The following ZNF536 variants were observed in gnomAD, a reference collection of about 807,000 sequenced individuals.
ZNF536 encodes the protein zinc finger protein 536.
In ZNF536, 13 loss-of-function variants were observed where a neutral mutation model predicts 84.5. That is an observed-to-expected ratio of 0.15 (90% CI 0.10 to 0.24). The LOEUF is 0.24. Ranked by LOEUF, ZNF536 falls within the 10% of genes least tolerant of loss-of-function variation. The probability of loss-of-function intolerance (pLI) is 1.00; values close to 1 mark genes in which losing one functional copy is unlikely to be tolerated. For missense variants in ZNF536, 1,536 were observed against 1,747.5 expected (o/e 0.88, Z 2.16); for synonymous variants, 811 against 742.5 (o/e 1.09, Z -1.50).
intron 1 of ZNF536, among the ~76,000 whole-genome samples, chr19:30,281,904 T>G (rs1458284026): frequency 1.3e-5 from 2 of 152,060 alleles, no homozygotes; most frequent in African/African-American, 4.8e-5. Flanking sequence ...GGGGTCCCTG[T>G]GGGGGACAGG....
chr19:30,243,043 A>T (rs559250632), intron 1 of ZNF536, among the ~76,000 whole-genome samples: 3 of 152,220 alleles, frequency 2.0e-5, no homozygotes, highest in Non-Finnish European at 4.4e-5. Flanking sequence ...ACTCAATAGA[A>T]AAATTATGGA....
chr19:30,247,546 G>A (rs1314819742), intron 1 of ZNF536, among the ~76,000 whole-genome samples: 2 of 152,186 alleles, frequency 1.3e-5, no homozygotes, highest in South Asian at 2.1e-4. Context: ...CCACAGCTGG[G>A]CGTGGTGGAT....
intron 1 of ZNF536, among the ~76,000 whole-genome samples, chr19:30,659,983 TTGTA>T (rs749295392): frequency 2.9e-5 from 4 of 137,344 alleles, no homozygotes; most frequent in African/African-American, 9.4e-5. Flanking sequence ...GTGTGTGTGT[TTGTA>T]TGTGTTTATC....
chr19:30,682,704 G>T (rs748634921), intron 1 of ZNF536, among the ~76,000 whole-genome samples: 1 of 152,132 alleles, frequency 6.6e-6, no homozygotes. Context: ...CCCTCAGCCC[G>T]GAGGGGAAAT....
rs2146246408 is a variant in ZNF536, at chr19:30,549,254, C to T, written c.3635C>T (p.Thr1212Ile). ...GATGGCGGGGACAGCCTGCAGCCCA[C>T]AGGCACCTCCCAGCCCGTCCAGGGA... ...SSDGGDSLQP[T>I]GTSQPVQGLV... is the part of the protein sequence containing the mutation. Residue 1212 changes from threonine (T) to isoleucine (I), a missense_variant, in exon 4 of 5, where the codon ACA becomes ATA. Thr to Ile is a moderately conservative substitution (Grantham distance 89, BLOSUM62 -1). This residue lies in a region of ZNF536 where 624 missense variants were observed against 603.1 expected (regional missense o/e 1.03). Coordinates refer to ENST00000355537, the MANE Select transcript of ZNF536 (RefSeq NM_014717.3). 1 of 1,613,986 alleles carries T rather than the reference C, an allele frequency of 6.2e-7. No individual in the cohort carries two copies. Among genetic ancestry groups the T allele is most frequent in the Non-Finnish European group, 8.5e-7 (1 of 1,180,056 alleles).
chr19:30,499,914 T>G (rs1432959311), intron 2 of ZNF536, among the ~76,000 whole-genome samples: 1 of 152,078 alleles, frequency 6.6e-6, no homozygotes, highest in Non-Finnish European at 1.5e-5. Flanking sequence ...AATGAAGTGT[T>G]CCTCCCCTTG....
At chr19:30,245,908 G>A (rs1568523920) in intron 1 of ZNF536, among the ~76,000 whole-genome samples, 1 of 152,234 alleles carries the variant, frequency 6.6e-6, no homozygotes, top group African/African-American at 2.4e-5. Context: ...GGCACGGAGC[G>A]TTGGAGTCAG....
chr19:30,266,320 G>T (rs940473020), intron 1 of ZNF536, among the ~76,000 whole-genome samples: 2 of 152,178 alleles, frequency 1.3e-5, no homozygotes, highest in Non-Finnish European at 2.9e-5. Flanking sequence ...AAGGTGCTGG[G>T]ATTATAGGCA....
intron 2 of ZNF536, among the ~76,000 whole-genome samples, chr19:30,475,951 T>A (rs2053828349): frequency 6.6e-6 from 1 of 152,104 alleles, no homozygotes; most frequent in East Asian, 1.9e-4. Flanking sequence ...CACTGTAGAG[T>A]GAAATGCATT....
At chr19:30,613,588 A>G (rs748274389) in intron 1 of ZNF536, among the ~76,000 whole-genome samples, 2 of 152,160 alleles carry the variant, frequency 1.3e-5, no homozygotes, top group African/African-American at 2.4e-5. Context: ...ATCTTCTTCA[A>G]ATTTGGTATG....
chr19:30,628,829 G>A (rs573482005), intron 1 of ZNF536, among the ~76,000 whole-genome samples: 80 of 151,962 alleles, frequency 5.3e-4, no homozygotes, highest in African/African-American at 1.9e-3. Context: ...CTCAGCCTCC[G>A]CAGTAGCTGG....
At chr19:30,338,644 C>T (rs959815732) in intron 2 of ZNF536, among the ~76,000 whole-genome samples, 1 of 152,116 alleles carries the variant, frequency 6.6e-6, no homozygotes, top group African/African-American at 2.4e-5. Flanking sequence ...AACTACTTGA[C>T]CTCCTTTTGC....
intron 2 of ZNF536, among the ~76,000 whole-genome samples, chr19:30,478,619 G>A (rs2144786848): frequency 6.6e-6 from 1 of 152,326 alleles, no homozygotes; most frequent in South Asian, 2.1e-4. Context: ...AGAATTAAAT[G>A]ATGATTATCT....
chr19:30,470,987 CTT>C (rs35539055), intron 2 of ZNF536, among the ~76,000 whole-genome samples: 15,377 of 142,452 alleles, frequency 0.11, 1,015 homozygotes, highest in African/African-American at 0.18. Flanking sequence ...TGCGCCCGGC[CTT>C]TTTTTTTTTT....
intron 1 of ZNF536, among the ~76,000 whole-genome samples, chr19:30,242,827 C>T (rs2024028162): frequency 6.6e-6 from 1 of 152,148 alleles, no homozygotes; most frequent in Admixed American, 6.5e-5. Context: ...ACAATGTTAA[C>T]TTTTTAATTT....
At chr19:30,697,053 C>T (rs1230483612) in intron 1 of ZNF536, among the ~76,000 whole-genome samples, 1 of 152,122 alleles carries the variant, frequency 6.6e-6, no homozygotes, top group Non-Finnish European at 1.5e-5. Flanking sequence ...CATAGTTCTG[C>T]ATGGCTGAGG....
chr19:30,317,233 T>A (rs2046709459), intron 2 of ZNF536, among the ~76,000 whole-genome samples: 1 of 152,076 alleles, frequency 6.6e-6, no homozygotes, highest in South Asian at 2.1e-4. Context: ...ACAGGTGTAA[T>A]TATGCTGTTT....
At chr19:30,580,975 A>G (rs997621679) in intron 1 of ZNF536, among the ~76,000 whole-genome samples, 1 of 152,228 alleles carries the variant, frequency 6.6e-6, no homozygotes, top group Non-Finnish European at 1.5e-5. Flanking sequence ...TCGATCTGGA[A>G]GTGATTTTCC....
chr19:30,685,022 A>G (rs2051118262), intron 1 of ZNF536, among the ~76,000 whole-genome samples: 1 of 152,030 alleles, frequency 6.6e-6, no homozygotes, highest in Non-Finnish European at 1.5e-5. Context: ...TGTACTTAAT[A>G]CCTCTGCCCT....
Sources: gnomAD v4.1 joint callset for allele counts (sites outside exome capture counted in the v4.1 genomes callset) on GRCh38, gnomAD v4.1.1 for gene constraint, gnomAD v4.1.1 regional missense constraint, MANE v1.5 for transcripts, NCBI Gene and HGNC (gene_info 2026-07-23, HGNC 2026-07-21) for gene names.